SEH1L: variants seen among roughly 807,000 people sequenced by gnomAD.
The protein encoded by SEH1L is SEH1 like nucleoporin.
Under a neutral mutation model 49.5 loss-of-function variants are expected in SEH1L, and 18 were observed. That is an observed-to-expected ratio of 0.36 (90% confidence interval 0.25 to 0.54). SEH1L has a LOEUF of 0.54. Among genes scored for constraint, SEH1L ranks in the 20% least tolerant of loss-of-function variants. SEH1L has a pLI of 0.87. For missense variants in SEH1L, 404 were observed against 528.8 expected, an observed-to-expected ratio of 0.76 and a Z score of 2.31; for synonymous variants, 169 against 178.1, an observed-to-expected ratio of 0.95 and a Z score of 0.41.
intron 3 of SEH1L, 144 bp downstream of exon 3, chr18:12,955,753 T>C (rs549211696): frequency 1.2e-6 from 1 of 805,388 alleles, no homozygotes; most frequent in East Asian, 2.7e-5. Flanking sequence ...TCCATGTTTT[T>C]TTCTTCCTTT....
chr18:12,980,114 C>T (rs1442577412), intron 6 of SEH1L, among the ~76,000 whole-genome samples: 6 of 107,604 alleles, frequency 5.6e-5, no homozygotes, highest in East Asian at 7.8e-4. Context: ...CCGGACAGGG[C>T]GGCTGTCCGG....
intron 6 of SEH1L, among the ~76,000 whole-genome samples, chr18:12,981,381 G>A (rs938535847): frequency 2.6e-5 from 4 of 152,126 alleles, no homozygotes; most frequent in Non-Finnish European, 4.4e-5. Context: ...GTAGCGAGCC[G>A]AGATCACGCC....
intron 1 of SEH1L, chr18:12,948,639 A>AGT (rs1368685204): frequency 1.1e-4 from 19 of 166,058 alleles, no homozygotes; most frequent in African/African-American, 4.5e-4. Flanking sequence ...CGCTGCGTCG[A>AGT]GTTCTGTGCC....
At chr18:12,965,926 G>A (rs923416139) in intron 4 of SEH1L, among the ~76,000 whole-genome samples, 1 of 152,110 alleles carries the variant, frequency 6.6e-6, no homozygotes, top group African/African-American at 2.4e-5. Flanking sequence ...AAGTACAGTA[G>A]ACAGACCCTT....
rs1444369647 is a variant in SEH1L, at chr18:12,951,978, G to A, written c.162+73G>A. The A allele has an allele frequency of 1.4e-5, 12 of 867,678 alleles. No homozygotes were observed. In the African/African-American group the frequency reaches 2.0e-4, roughly 14 times the overall value. 53.7% of individuals were successfully genotyped at this position (867,678 alleles called of 1,614,324 possible). ...TTTATTTTATAGTTATCTATGAATT[G>A]TTTTGAGAAAATAACATTTATACAG... On this transcript the variant is annotated intron_variant, in intron 2 of 8. Coordinates refer to ENST00000399892, the MANE Select transcript of SEH1L (RefSeq NM_001013437.2).
chr18:12,978,694 G>A lies in SEH1L; in HGVS notation c.621-58G>A, dbSNP rs564856441. The A allele has an allele frequency of 4.2e-6, 6 of 1,426,694 alleles. No individual in the cohort carries two copies. In the Admixed American group the frequency reaches 5.1e-5, roughly 12 times the overall value. 88.4% of individuals were successfully genotyped at this position (1,426,694 alleles called of 1,614,324 possible). A position where few individuals can be genotyped will look rare whatever the true frequency, so the allele number is the denominator to read the frequency against. The stretch of plus-strand genomic sequence containing the variant: ...TGAAAAAAAGGTGAGATGCAGTGAT[G>A]TGTGGATTTTTGCACATTTTATTTC... On this transcript the variant is annotated intron_variant, in intron 5 of 8. Coordinates refer to ENST00000399892, the MANE Select transcript of SEH1L (RefSeq NM_001013437.2).
intron 8 of SEH1L, chr18:12,986,177 C>G: frequency 1.0e-6 from 1 of 984,914 alleles, no homozygotes; most frequent in Non-Finnish European, 1.2e-6. Context: ...AATTCATGTC[C>G]TGTAAAGTTC....
At chr18:12,981,023 A>G (rs1404120047) in intron 6 of SEH1L, among the ~76,000 whole-genome samples, 1 of 147,244 alleles carries the variant, frequency 6.8e-6, no homozygotes, top group African/African-American at 2.5e-5. Flanking sequence ...CACTTCTCAG[A>G]CGGTGTGGCT....
chr18:12,958,064 CTTTTTTTTTTTTTTTTTT>C (rs57733399), intron 3 of SEH1L, among the ~76,000 whole-genome samples: 136 of 62,052 alleles, frequency 2.2e-3, no homozygotes, highest in Non-Finnish European at 3.0e-3. Flanking sequence ...CTCATTTTAA[CTTTTTTTTTTTTTTTTTT>C]TTTTTTTTTT....
intron 3 of SEH1L, among the ~76,000 whole-genome samples, chr18:12,957,609 A>G (rs1447480703): frequency 6.6e-6 from 1 of 152,208 alleles, no homozygotes; most frequent in Non-Finnish European, 1.5e-5. Flanking sequence ...TTTTCATATG[A>G]AGGTATTATC....
At chr18:12,982,928 TA>T (rs1267677262) in intron 7 of SEH1L, 4 of 298,572 alleles carry the variant, frequency 1.3e-5, no homozygotes, top group Non-Finnish European at 2.5e-5. Flanking sequence ...ATATCTCCAA[TA>T]AAAAGATACC....
chr18:12,955,609 G>A lies in SEH1L; in HGVS notation c.309G>A (p.Trp103Ter), dbSNP rs2030805687. 6.2e-7 allele frequency: 1 copy of A among 1,613,786 alleles called. No homozygotes were observed. Residue 103 changes from tryptophan (W) to a stop codon, truncating the protein, a stop_gained and splice_region_variant, in exon 3 of 9, where the codon TGG becomes TGA. Coordinates refer to ENST00000399892, the MANE Select transcript of SEH1L (RefSeq NM_001013437.2). LOFTEE classifies it high-confidence loss of function. Reference protein sequence around the residue: ...SNDKLRGQSHWVKRTTLVDSR... With the variant: ...SNDKLRGQSH ...ATAAACTGCGAGGACAGAGCCACTG[G>A]GTGAGACATTTATTAGTATTCTGGG...
chr18:12,976,151 G>A (rs1319715762), intron 5 of SEH1L: 1 of 152,572 alleles, frequency 6.6e-6, no homozygotes. Flanking sequence ...GCCAGACTGG[G>A]AAAGACTCCA....
At chr18:12,960,762 T>A (rs111834714) in intron 3 of SEH1L, among the ~76,000 whole-genome samples, 7 of 152,358 alleles carry the variant, frequency 4.6e-5, no homozygotes, top group African/African-American at 1.7e-4. Flanking sequence ...AATTTCAAGA[T>A]ACTTATTTGT....
chr18:12,984,355 C>A, intron 8 of SEH1L, 165 bp downstream of exon 8: 1 of 729,394 alleles, frequency 1.4e-6, no homozygotes, highest in South Asian at 1.8e-5. Context: ...ATTTGGCTTA[C>A]TTGGTCATAA....
chr18:12,954,620 C>A (rs1307945478), intron 2 of SEH1L, among the ~76,000 whole-genome samples: 6 of 152,050 alleles, frequency 3.9e-5, no homozygotes, highest in Non-Finnish European at 7.4e-5. Context: ...GTGCATACCA[C>A]CACACCTGAC....
chr18:12,973,726 T>G (rs972066884), intron 5 of SEH1L: 2 of 152,242 alleles, frequency 1.3e-5, no homozygotes, highest in African/African-American at 4.8e-5. Context: ...CTGTATTATG[T>G]CATGTGACAA....
At chr18:12,952,531 A>T (rs560018856) in intron 2 of SEH1L, among the ~76,000 whole-genome samples, 7 of 152,158 alleles carry the variant, frequency 4.6e-5, no homozygotes, top group Non-Finnish European at 1.0e-4. Context: ...TGCCCGGCCA[A>T]GTAGAAATTT....
At chr18:12,963,518 C>G in intron 4 of SEH1L, 147 bp downstream of exon 4, 1 of 618,090 alleles carries the variant, frequency 1.6e-6, no homozygotes, top group Non-Finnish European at 2.8e-6. Flanking sequence ...CCAGGCATGT[C>G]ATTTGTCCCT....
Sources: gnomAD v4.1 joint callset for allele counts (sites outside exome capture counted in the v4.1 genomes callset) on GRCh38, gnomAD v4.1.1 for gene constraint, MANE v1.5 for transcripts, NCBI Gene and HGNC (gene_info 2026-07-23, HGNC 2026-07-21) for gene names.